Variants in MAGI3 observed in about 807,000 individuals in gnomAD.
MAGI3 encodes membrane-associated guanylate kinase, WW and PDZ domain-containing protein 3.
In MAGI3, 43 loss-of-function variants were observed where a neutral mutation model predicts 121.8. That is an observed-to-expected ratio of 0.35 (90% CI 0.28 to 0.46). The LOEUF (loss-of-function observed/expected upper bound fraction) is 0.46, where lower values mean the gene tolerates loss of function less well. MAGI3 is among the 20% of genes least tolerant of loss of function. The probability of loss-of-function intolerance (pLI) is 1.00; values close to 1 mark genes in which losing one functional copy is unlikely to be tolerated. For synonymous variants in MAGI3, 553 were observed against 639.3 expected (o/e 0.86, Z 2.04); for missense variants, 1,547 against 1,797.3 (o/e 0.86, Z 2.52).
intron 2 of MAGI3, among the ~76,000 whole-genome samples, chr1:113,552,757 C>T (rs777084023): frequency 2.2e-4 from 33 of 152,234 alleles, no homozygotes; most frequent in Non-Finnish European, 4.4e-4. Flanking sequence ...GCCCTCTTAA[C>T]TTACACAAAA....
chr1:113,396,174 G>T (rs916466625), intron 1 of MAGI3, among the ~76,000 whole-genome samples: 1 of 151,894 alleles, frequency 6.6e-6, no homozygotes, highest in Non-Finnish European at 1.5e-5. Flanking sequence ...ACCCCTAAGT[G>T]CTTTGTAATT....
chr1:113,540,264 G>A (rs1659224085), intron 1 of MAGI3, among the ~76,000 whole-genome samples: 1 of 152,140 alleles, frequency 6.6e-6, no homozygotes, highest in African/African-American at 2.4e-5. Flanking sequence ...CGTTTATTTA[G>A]CACTATGCTA....
chr1:113,663,301 T>A (rs1487133817), intron 16 of MAGI3, among the ~76,000 whole-genome samples: 2 of 150,806 alleles, frequency 1.3e-5, no homozygotes, highest in African/African-American at 4.9e-5. Context: ...TTTGCAATCA[T>A]TACCACTAGT....
At chr1:113,455,108 G>A (rs1654680398) in intron 1 of MAGI3, among the ~76,000 whole-genome samples, 1 of 151,558 alleles carries the variant, frequency 6.6e-6, no homozygotes, top group Non-Finnish European at 1.5e-5. Context: ...GCTGGAGGAA[G>A]GAAATAATAA....
chr1:113,401,473 G>A (rs1007889998), intron 1 of MAGI3, among the ~76,000 whole-genome samples: 8 of 152,006 alleles, frequency 5.3e-5, no homozygotes, highest in African/African-American at 2.4e-5. Flanking sequence ...TAGTATTCTT[G>A]CTACATTTGT....
chr1:113,509,833 G>T (rs1049426424), intron 1 of MAGI3, among the ~76,000 whole-genome samples: 4 of 142,296 alleles, frequency 2.8e-5, no homozygotes, highest in South Asian at 2.4e-4. Context: ...GTTTGTTTTC[G>T]ACCCCTTGAG....
chr1:113,667,175 C>A (rs1234833953), intron 16 of MAGI3, among the ~76,000 whole-genome samples: 1 of 152,142 alleles, frequency 6.6e-6, no homozygotes, highest in East Asian at 1.9e-4. Context: ...AGTCAGCTGC[C>A]TTTGAAGCTT....
rs537963892 is a variant in MAGI3 at position 113,523,762 on chromosome 1, T to A, written c.317-25753T>A. On this transcript the variant is annotated intron_variant, in intron 1 of 20. Transcript: ENST00000307546. ...CCTGACAATGTGATAGAAAAGAAAA[T>A]CCCATTTTCTGAGGAGAAATTCAAG... Among the ~76,000 whole-genome samples the A allele has an allele frequency of 1.2e-4, 19 of 152,094 alleles. No individual in the cohort carries two copies. In the East Asian group the frequency reaches 3.7e-3, roughly 29 times the overall value.
At chr1:113,404,255 T>C (rs1441786180) in intron 1 of MAGI3, 1 of 152,150 alleles carries the variant, frequency 6.6e-6, no homozygotes, top group African/African-American at 2.4e-5. Context: ...GTGGGGCTTA[T>C]TGTCTTTTGA....
chr1:113,560,618 G>A (rs549648645), intron 2 of MAGI3, among the ~76,000 whole-genome samples: 4 of 152,228 alleles, frequency 2.6e-5, no homozygotes, highest in African/African-American at 7.2e-5. Flanking sequence ...AGCTAAAGCA[G>A]TGTTAAGAGG....
chr1:113,644,983 G>T (rs1255239109), intron 11 of MAGI3, among the ~76,000 whole-genome samples: 3 of 148,704 alleles, frequency 2.0e-5, no homozygotes, highest in South Asian at 4.3e-4. Context: ...CTGCAAATTT[G>T]CTGTTTTATA....
At chr1:113,482,645 CTTTTTTTT>C (rs59465922) in intron 1 of MAGI3, among the ~76,000 whole-genome samples, 1 of 122,214 alleles carries the variant, frequency 8.2e-6, no homozygotes, top group Non-Finnish European at 1.7e-5. Flanking sequence ...CCTCAACCTA[CTTTTTTTT>C]TTTTTTTTTT....
chr1:113,615,034 A>G (rs572540590), intron 7 of MAGI3, among the ~76,000 whole-genome samples: 2 of 152,172 alleles, frequency 1.3e-5, no homozygotes, highest in Admixed American at 1.3e-4. Flanking sequence ...GCAGTGGAAG[A>G]TCTTTAGGGC....
intron 1 of MAGI3, among the ~76,000 whole-genome samples, chr1:113,503,410 C>A (rs1657146501): frequency 6.8e-6 from 1 of 147,478 alleles, no homozygotes; most frequent in Non-Finnish European, 1.5e-5. Flanking sequence ...ATTTTTCAAT[C>A]TTCAGCTTCA....
At position 113,416,330 on chromosome 1, in the gene MAGI3, AT is replaced by A. The variant is rs1184097366; in HGVS notation, c.316+24982del. 5.9e-4 allele frequency among the ~76,000 whole-genome samples: 29 copies of A among 49,434 alleles called. 1 individual carries two copies. The highest frequency in any genetic ancestry group is 8.0e-4 in the Non-Finnish European group (23 of 28,632). 32.4% of individuals were successfully genotyped at this position (49,434 alleles called of 152,430 possible). ...TGTAATTAATTATGTAATTAATTAT[AT>A]ATCAATCATATATTAATTATATATT... On this transcript the variant is annotated intron_variant, in intron 1 of 20. Transcript: ENST00000307546.
intron 1 of MAGI3, chr1:113,403,889 A>G (rs1651538268): frequency 6.6e-6 from 1 of 152,016 alleles, no homozygotes; most frequent in African/African-American, 2.4e-5. Context: ...ACAAGGAGGA[A>G]GTCGCTGAGT....
intron 15 of MAGI3, among the ~76,000 whole-genome samples, chr1:113,655,572 T>A (rs1286897973): frequency 6.6e-6 from 1 of 152,080 alleles, no homozygotes; most frequent in East Asian, 1.9e-4. Flanking sequence ...TTTAAGTAGT[T>A]TTATATTTCC....
Position 113,625,015 on chromosome 1 carries a change from A to G in MAGI3, c.1360+2021A>G, listed in dbSNP as rs755123555. Among the ~76,000 whole-genome samples the G allele has an allele frequency of 3.1e-4, 47 of 152,204 alleles. No homozygotes were observed. In the Middle Eastern group the frequency reaches 0.014, roughly 44 times the overall value. ...CCTTTCTTGAAAATGAGTTCATTGT[A>G]GGTGTATGGATTTTTCTATTCTGTT... is the stretch of plus-strand genomic sequence containing the variant. On this transcript the variant is annotated intron_variant, in intron 9 of 20. Transcript: ENST00000307546.
chr1:113,443,306 G>T (rs1654009928), intron 1 of MAGI3, among the ~76,000 whole-genome samples: 1 of 152,132 alleles, frequency 6.6e-6, no homozygotes, highest in African/African-American at 2.4e-5. Flanking sequence ...TTAATGCACA[G>T]AATATAGTAA....
Sources: allele counts gnomAD v4.1 joint callset (sites outside exome capture counted in the v4.1 genomes callset), GRCh38; gene constraint gnomAD v4.1.1; transcripts MANE v1.5; gene names NCBI Gene and HGNC (gene_info 2026-07-23, HGNC 2026-07-21).